The following DENND5B variants were observed in gnomAD, a reference collection of about 807,000 sequenced individuals.
DENND5B encodes the protein DENN domain-containing protein 5B.
A neutral mutation model predicts 140.6 loss-of-function variants in DENND5B; 34 were observed. That is an observed-to-expected ratio of 0.24 (90% CI 0.18 to 0.32). The LOEUF is 0.32. Ranked by LOEUF, DENND5B falls within the 10% of genes least tolerant of loss-of-function variation. The pLI is 1.00. For synonymous variants in DENND5B, 551 were observed against 562.1 expected, an observed-to-expected ratio of 0.98 and a Z score of 0.28; for missense variants, 1,142 against 1,560.2, an observed-to-expected ratio of 0.73 and a Z score of 4.52.
chr12:31,418,276 T>TC (rs1330071151), intron 11 of DENND5B, among the ~76,000 whole-genome samples: 2 of 75,260 alleles, frequency 2.7e-5, no homozygotes, highest in Non-Finnish European at 5.6e-5. Flanking sequence ...TATCTTTTTT[T>TC]CTTTTCTTTT....
At chr12:31,505,205 G>A (rs953450921) in intron 1 of DENND5B, among the ~76,000 whole-genome samples, 9 of 149,822 alleles carry the variant, frequency 6.0e-5, no homozygotes, top group African/African-American at 2.2e-4. Context: ...TTAAATACAC[G>A]AGTACAGTTC....
At position 31,590,990 on chromosome 12, in the gene DENND5B, T is replaced by A. The variant is rs1950601250; in HGVS notation, c.-158A>T. The A allele has an allele frequency of 1.2e-6, 1 of 835,136 alleles. No homozygotes were observed. The highest frequency in any genetic ancestry group is 1.5e-6 in the Non-Finnish European group (1 of 682,420). 51.7% of individuals were successfully genotyped at this position (835,136 alleles called of 1,614,324 possible). On this transcript the variant is annotated 5_prime_UTR_variant, in exon 1 of 21. Transcript: ENST00000389082. ...CCGCCTCTCGCCGCCGCAGCCTGCCTCCTCGCTCGGCGCGGGGGAAGCGGC... is the reference window on the plus strand; with the variant it reads ...CCGCCTCTCGCCGCCGCAGCCTGCCACCTCGCTCGGCGCGGGGGAAGCGGC...
intron 3 of DENND5B, among the ~76,000 whole-genome samples, chr12:31,461,005 C>T (rs930020131): frequency 6.6e-6 from 1 of 152,138 alleles, no homozygotes; most frequent in South Asian, 2.1e-4. Flanking sequence ...GGATTACAGG[C>T]GTGAACCACC....
rs1940874134 is a variant in DENND5B at position 31,386,862 on chromosome 12, G to C, written c.*741C>G. ...AAATGCCAAGAATGAAGTTAGTCTA[G>C]GCTAATCTTTCCGAAGTGTAAAGAA... On this transcript the variant is annotated 3_prime_UTR_variant, in exon 21 of 21. Transcript: ENST00000389082. 6.6e-6 allele frequency: 1 copy of C among 152,164 alleles called. No homozygotes were observed. Among genetic ancestry groups the C allele is most frequent in the Admixed American group, 6.5e-5 (1 of 15,276 alleles). The allele number at this position is 152,164 out of a possible 1,614,324, so 9.4% of individuals were successfully genotyped here. A position where few individuals can be genotyped will look rare whatever the true frequency, so the allele number is the denominator to read the frequency against.
intron 7 of DENND5B, among the ~76,000 whole-genome samples, chr12:31,435,869 C>T (rs1943728818): frequency 1.3e-5 from 2 of 152,266 alleles, no homozygotes; most frequent in Middle Eastern, 3.4e-3. Context: ...CCATGTTGGC[C>T]AGGCTGGTCT....
chr12:31,529,353 A>G (rs189862116), intron 1 of DENND5B, among the ~76,000 whole-genome samples: 5 of 152,276 alleles, frequency 3.3e-5, no homozygotes, highest in Non-Finnish European at 7.4e-5. Context: ...ACTGCATCCA[A>G]AGGAGTCCAC....
At chr12:31,471,696 C>T (rs1275221842) in intron 3 of DENND5B, among the ~76,000 whole-genome samples, 3 of 151,972 alleles carry the variant, frequency 2.0e-5, no homozygotes, top group African/African-American at 4.8e-5. Context: ...GAACTAATTT[C>T]GAGGCAGTAT....
intron 1 of DENND5B, among the ~76,000 whole-genome samples, chr12:31,510,068 A>G (rs978302712): frequency 2.6e-5 from 4 of 152,194 alleles, no homozygotes; most frequent in Non-Finnish European, 4.4e-5. Context: ...ACGATATCTT[A>G]TGGGTCCTTG....
intron 1 of DENND5B, among the ~76,000 whole-genome samples, chr12:31,569,642 T>C (rs981056828): frequency 6.6e-6 from 1 of 151,896 alleles, no homozygotes; most frequent in East Asian, 2.0e-4. Flanking sequence ...ACCCTGTCTC[T>C]ATTAAAAACA....
Position 31,386,152 on chromosome 12 carries a change from T to C in DENND5B, c.*1451A>G, listed in dbSNP as rs1396896306. On this transcript the variant is annotated 3_prime_UTR_variant, in exon 21 of 21. Coordinates refer to ENST00000389082, the MANE Select transcript of DENND5B (RefSeq NM_144973.4). The stretch of plus-strand genomic sequence containing the variant: ...GTGGTGAAAGCCCAGCAACCTCCGA[T>C]TGCACAAGGATACTGATGCCATGGC... The C allele has an allele frequency of 6.5e-6, 1 of 154,636 alleles. No homozygotes were observed. The highest frequency in any genetic ancestry group is 1.5e-5 in the Non-Finnish European group (1 of 68,220). 9.6% of individuals were successfully genotyped at this position (154,636 alleles called of 1,614,324 possible).
rs1555149774 is a variant in DENND5B at position 31,449,738 on chromosome 12, T to TG, written c.1630-1970_1630-1969insC. On this transcript the variant is annotated intron_variant, in intron 5 of 20. Coordinates refer to ENST00000389082, the MANE Select transcript of DENND5B (RefSeq NM_144973.4). The stretch of plus-strand genomic sequence containing the variant: ...ATGGATATACACAGATTAGTTTTTT[T>TG]TTTTTTTTTTTGAGACAGAGTCTCG... 9.8e-3 allele frequency among the ~76,000 whole-genome samples: 1,088 copies of TG among 111,300 alleles called. 29 individuals carry two copies. The highest frequency in any genetic ancestry group is 0.035 in the African/African-American group (1,040 of 30,106). The allele number at this position is 111,300 out of a possible 152,430, so 73.0% of individuals were successfully genotyped here.
At chr12:31,508,432 A>G (rs907109614) in intron 1 of DENND5B, among the ~76,000 whole-genome samples, 3 of 152,204 alleles carry the variant, frequency 2.0e-5, no homozygotes, top group African/African-American at 7.2e-5. Context: ...AAGGGGGTAC[A>G]TTTGTTCTAC....
intron 3 of DENND5B, chr12:31,465,155 C>T (rs7977453): frequency 0.56 from 85,195 of 152,062 alleles, 24,414 homozygotes; most frequent in East Asian, 0.82. Flanking sequence ...TAAGGTCAGC[C>T]CCTCAAGGGC....
At chr12:31,403,149 A>C (rs992745531) in intron 14 of DENND5B, among the ~76,000 whole-genome samples, 2 of 152,194 alleles carry the variant, frequency 1.3e-5, no homozygotes, top group Non-Finnish European at 2.9e-5. Context: ...TCCTGTCCCA[A>C]GTTTACAGAA....
chr12:31,585,499 A>G (rs574462443), intron 1 of DENND5B, among the ~76,000 whole-genome samples: 1 of 152,344 alleles, frequency 6.6e-6, no homozygotes, highest in African/African-American at 2.4e-5. Flanking sequence ...CAATCCTGAA[A>G]TGCTTGTTGA....
rs1565541801 is a variant in DENND5B at position 31,399,746 on chromosome 12, A to C, written c.2976T>G (p.Thr992=). Residue 992 remains threonine (T), a synonymous_variant, in exon 16 of 21, where the codon ACT becomes ACG. Coordinates refer to ENST00000389082, the MANE Select transcript of DENND5B (RefSeq NM_144973.4). ...FECQNLGKLT[T]VQIGHDNSGL... is the part of the protein sequence containing the mutation. ...CTGAGTTATCGTGACCAATCTGAACAGTGGTCAGCTTCCCCAAGTTCTGGC... is the reference window on the plus strand; with the variant it reads ...CTGAGTTATCGTGACCAATCTGAACCGTGGTCAGCTTCCCCAAGTTCTGGC... 1.2e-6 allele frequency: 2 copies of C among 1,613,854 alleles called. No individual in the cohort carries two copies. Among genetic ancestry groups the C allele is most frequent in the African/African-American group, 1.3e-5 (1 of 75,060 alleles).
chr12:31,522,905 T>C (rs900475842), intron 1 of DENND5B, among the ~76,000 whole-genome samples: 2 of 152,114 alleles, frequency 1.3e-5, no homozygotes, highest in Non-Finnish European at 2.9e-5. Context: ...GGTGGCTTCA[T>C]CCCTTAGAAC....
intron 1 of DENND5B, among the ~76,000 whole-genome samples, chr12:31,550,904 G>A (rs538769253): frequency 2.0e-5 from 3 of 152,272 alleles, no homozygotes; most frequent in African/African-American, 7.2e-5. Flanking sequence ...CCCACTTGTT[G>A]ATGGGGTTGT....
chr12:31,514,594 T>C (rs1261425655), intron 1 of DENND5B, among the ~76,000 whole-genome samples: 1 of 152,026 alleles, frequency 6.6e-6, no homozygotes, highest in East Asian at 1.9e-4. Context: ...GGTGGGTGGA[T>C]CACTTGACAT....
Sources: allele counts gnomAD v4.1 joint callset (sites outside exome capture counted in the v4.1 genomes callset), GRCh38; gene constraint gnomAD v4.1.1; transcripts MANE v1.5; gene names NCBI Gene and HGNC (gene_info 2026-07-23, HGNC 2026-07-21).